APOOL: variants seen among roughly 807,000 people sequenced by gnomAD.
APOOL encodes the protein apolipoprotein O like.
In APOOL, 12 loss-of-function variants were observed where a neutral mutation model predicts 23.1. The observed-to-expected ratio is 0.52, with a 90% CI of 0.33 to 0.84. The LOEUF (loss-of-function observed/expected upper bound fraction) is 0.84, where lower values mean the gene tolerates loss of function less well. Ranked by LOEUF, APOOL falls within the 40% of genes least tolerant of loss-of-function variation. APOOL has a pLI of 0.02. For synonymous variants in APOOL, 77 were observed against 69.9 expected, an observed-to-expected ratio of 1.10 and a Z score of -0.51; for missense variants, 212 against 199.6, an observed-to-expected ratio of 1.06 and a Z score of -0.37.
At chrX:85,018,447 A>G (rs1921551973) in intron 1 of APOOL, among the ~76,000 whole-genome samples, 1 of 111,769 alleles carries the variant, frequency 8.9e-6, no homozygotes, top group Admixed American at 9.4e-5. Flanking sequence ...GACTGCTCCC[A>G]TGATCCAGTA....
At chrX:85,017,341 C>A (rs755249098) in intron 1 of APOOL, among the ~76,000 whole-genome samples, 7 of 111,563 alleles carry the variant, frequency 6.3e-5, no homozygotes, top group Non-Finnish European at 1.3e-4. Context: ...CGAGGCCGAT[C>A]TTGATTCTGC....
Position 85,022,222 on chromosome X carries a change from T to C in APOOL, c.15+18295T>C, listed in dbSNP as rs756277862. On this transcript the variant is annotated intron_variant, in intron 1 of 8. Coordinates refer to ENST00000373173, the MANE Select transcript of APOOL (RefSeq NM_198450.6). The stretch of plus-strand genomic sequence containing the variant: ...AAAAACTGAACAGCAGACAATACTT[T>C]CAAATGTATTTTACAAGGCCAGCAT... Among the ~76,000 whole-genome samples the C allele has an allele frequency of 2.7e-5, 3 of 111,923 alleles. No individual in the cohort carries two copies. In the Admixed American group the frequency reaches 2.8e-4, roughly 11 times the overall value.
At chrX:85,022,962 C>T in intron 1 of APOOL, among the ~76,000 whole-genome samples, 1 of 111,777 alleles carries the variant, frequency 8.9e-6, no homozygotes, top group Admixed American at 9.5e-5. Context: ...AGTTTACACT[C>T]CATATTTCCT....
Position 85,062,876 on chromosome X carries a change from ATAG to A in APOOL, c.395-4249_395-4247del, listed in dbSNP as rs754188327. Among the ~76,000 whole-genome samples, 530 of 111,792 alleles carry A rather than the reference ATAG, an allele frequency of 4.7e-3. 3 individuals are homozygous for A. Among genetic ancestry groups the A allele is most frequent in the Non-Finnish European group, 7.3e-3 (388 of 53,133 alleles). On this transcript the variant is annotated intron_variant, in intron 5 of 8. Coordinates refer to ENST00000373173, the MANE Select transcript of APOOL (RefSeq NM_198450.6). Reference sequence around the variant, plus strand: ...TTGTTGGTTCCATGTGAATTTTAAAATAGTTTTTTCTAATTCTGTGAAGAATGT... The same window carrying A: ...TTGTTGGTTCCATGTGAATTTTAAAATTTTTTCTAATTCTGTGAAGAATGT...
chrX:85,048,213 A>C (rs756411911), intron 2 of APOOL, among the ~76,000 whole-genome samples: 2 of 111,163 alleles, frequency 1.8e-5, no homozygotes, highest in African/African-American at 6.5e-5. Flanking sequence ...TGTTCTAATT[A>C]CTAGATAAAG....
chrX:85,067,344 T>G (rs932306918), intron 6 of APOOL, 126 bp downstream of exon 6: 2 of 425,141 alleles, frequency 4.7e-6, no homozygotes, highest in East Asian at 7.7e-5. Flanking sequence ...TCAACTCTTA[T>G]GTTGGCCAAA....
chrX:85,007,061 C>T (rs974982944), intron 1 of APOOL, among the ~76,000 whole-genome samples: 4 of 111,460 alleles, frequency 3.6e-5, no homozygotes, highest in African/African-American at 9.8e-5. Context: ...AGGGAGCTCA[C>T]ATTGGAGGTC....
At chrX:85,055,733 C>A in intron 4 of APOOL, 94 bp from the exon 5 acceptor site, 1 of 576,126 alleles carries the variant, frequency 1.7e-6, no homozygotes, top group Non-Finnish European at 2.6e-6. Context: ...TCATTATTAT[C>A]TTAGCAAATC....
intron 1 of APOOL, among the ~76,000 whole-genome samples, chrX:85,013,806 A>G (rs1921369978): frequency 9.0e-6 from 1 of 111,710 alleles, no homozygotes; most frequent in African/African-American, 3.2e-5. Context: ...GTTTTGGGGT[A>G]ATAAGTTCTA....
At chrX:85,065,934 G>A (rs190907496) in intron 5 of APOOL, among the ~76,000 whole-genome samples, 2,066 of 111,049 alleles carry the variant, frequency 0.019, 36 homozygotes, top group African/African-American at 0.046. Flanking sequence ...TAAATCTAAA[G>A]AAAAGCTAAA....
chrX:85,076,995 T>TTATATATATATATATATATATATA (rs752255967), intron 8 of APOOL, among the ~76,000 whole-genome samples: 87 of 82,444 alleles, frequency 1.1e-3, no homozygotes, highest in African/African-American at 4.0e-3. Context: ...TTTGCTAAAC[T>TTATATATATATATATATATATATA]TATATATATA....
At chrX:85,047,424 TAG>T (rs1468558593) in intron 2 of APOOL, among the ~76,000 whole-genome samples, 1 of 111,703 alleles carries the variant, frequency 9.0e-6, no homozygotes, top group Non-Finnish European at 1.9e-5. Context: ...TGCTACAGGA[TAG>T]AGTCAGTCTC....
intron 1 of APOOL, among the ~76,000 whole-genome samples, chrX:85,036,135 T>C (rs1922209235): frequency 8.9e-6 from 1 of 112,245 alleles, no homozygotes; most frequent in Admixed American, 9.4e-5. Flanking sequence ...CATTTGTTTG[T>C]GTCATCTCTG....
At chrX:85,054,259 A>G (rs905301906) in intron 3 of APOOL, 85 bp from the exon 4 acceptor site, 183 of 841,973 alleles carry the variant, frequency 2.2e-4, no homozygotes, top group Non-Finnish European at 2.9e-4. Context: ...ACCTTTTAAT[A>G]TAATCTCAGA....
chrX:85,089,188 C>A lies in APOOL; in HGVS notation c.*1510C>A, dbSNP rs2147674038. Reference sequence around the variant, plus strand: ...GTGGCACAAACACAGCTCACTGCAACCTCCACCTCCCAGGATCAAGCAATC... The same window carrying A: ...GTGGCACAAACACAGCTCACTGCAAACTCCACCTCCCAGGATCAAGCAATC... On this transcript the variant is annotated 3_prime_UTR_variant, in exon 9 of 9. Transcript: ENST00000373173. 1 of 111,129 alleles carries A rather than the reference C, an allele frequency of 9.0e-6. No homozygotes were observed. Among genetic ancestry groups the A allele is most frequent in the Admixed American group, 9.6e-5 (1 of 10,460 alleles). 9.2% of individuals were successfully genotyped at this position (111,129 alleles called of 1,213,427 possible). A position where few individuals can be genotyped will look rare whatever the true frequency, so the allele number is the denominator to read the frequency against.
intron 1 of APOOL, among the ~76,000 whole-genome samples, chrX:85,033,384 G>A (rs978925677): frequency 4.5e-5 from 5 of 111,731 alleles, no homozygotes; most frequent in African/African-American, 1.6e-4. Flanking sequence ...CTTTCTCTTA[G>A]TATTCTTAAT....
At position 85,092,427 on chromosome X, in the gene APOOL, G is replaced by A. The variant is rs769988877; in HGVS notation, c.*4749G>A. On this transcript the variant is annotated 3_prime_UTR_variant, in exon 9 of 9. Transcript: ENST00000373173. ...ATGCCATGTCCAGGAGTTCTTCTCTGTTAAACCTGAAGAGATGCCAGCCCT... is the reference window on the plus strand; with the variant it reads ...ATGCCATGTCCAGGAGTTCTTCTCTATTAAACCTGAAGAGATGCCAGCCCT... The A allele has an allele frequency of 4.2e-6, 5 of 1,187,422 alleles. No homozygotes were observed. In the South Asian group the frequency reaches 7.5e-5, roughly 18 times the overall value.
At chrX:85,025,399 A>G (rs867713501) in intron 1 of APOOL, among the ~76,000 whole-genome samples, 1 of 111,685 alleles carries the variant, frequency 9.0e-6, no homozygotes, top group African/African-American at 3.3e-5. Context: ...CCTAAATCTC[A>G]TGTCCTTCCC....
chrX:85,009,535 A>G (rs771520540), intron 1 of APOOL, among the ~76,000 whole-genome samples: 1 of 112,017 alleles, frequency 8.9e-6, no homozygotes, highest in East Asian at 2.8e-4. Context: ...AATGTGGTGT[A>G]TCATGTTTAT....
Sources: allele counts gnomAD v4.1 joint callset (sites outside exome capture counted in the v4.1 genomes callset), GRCh38; gene constraint gnomAD v4.1.1; transcripts MANE v1.5; gene names NCBI Gene and HGNC (gene_info 2026-07-23, HGNC 2026-07-21).